Variants in TRPC7 observed in about 807,000 individuals in gnomAD.
TRPC7 encodes the protein short transient receptor potential channel 7.
In TRPC7, 42 loss-of-function variants were observed where a neutral mutation model predicts 90.1. The observed-to-expected ratio is 0.47, with a 90% CI of 0.36 to 0.60. The LOEUF (loss-of-function observed/expected upper bound fraction) is 0.60, where lower values mean the gene tolerates loss of function less well. Among genes scored for constraint, TRPC7 ranks in the 20% least tolerant of loss-of-function variants. The pLI is 0.00. For synonymous variants in TRPC7, 451 were observed against 436.3 expected (o/e 1.03, Z -0.42); for missense variants, 955 against 1,112.3 (o/e 0.86, Z 2.01).
intron 3 of TRPC7, among the ~76,000 whole-genome samples, chr5:136,279,251 T>G (rs1757468435): frequency 6.6e-6 from 1 of 152,176 alleles, no homozygotes; most frequent in Non-Finnish European, 1.5e-5. Context: ...AATTGTTGGG[T>G]TGCTCTGAGA....
chr5:136,360,682 G>C (rs1284265902), intron 1 of TRPC7, among the ~76,000 whole-genome samples: 2 of 152,132 alleles, frequency 1.3e-5, no homozygotes, highest in African/African-American at 4.8e-5. Context: ...GCAGAATTTA[G>C]CATTAAAAAT....
intron 7 of TRPC7, among the ~76,000 whole-genome samples, chr5:136,243,064 T>A (rs985453742): frequency 6.6e-6 from 1 of 152,150 alleles, no homozygotes; most frequent in African/African-American, 2.4e-5. Flanking sequence ...CAGGCCTTGG[T>A]TGAGGGTTGG....
chr5:136,276,741 C>A (rs1394060503), intron 3 of TRPC7, among the ~76,000 whole-genome samples: 1 of 152,190 alleles, frequency 6.6e-6, no homozygotes, highest in African/African-American at 2.4e-5. Context: ...CAGGGAGGAA[C>A]CCCCAGGCTG....
intron 3 of TRPC7, among the ~76,000 whole-genome samples, chr5:136,275,315 T>C (rs1196195513): frequency 1.3e-5 from 2 of 152,088 alleles, no homozygotes; most frequent in South Asian, 2.1e-4. Context: ...TTAACCTCTC[T>C]GAGCTTTAAT....
At chr5:136,265,296 A>G (rs1248355554) in intron 5 of TRPC7, among the ~76,000 whole-genome samples, 1 of 152,204 alleles carries the variant, frequency 6.6e-6, no homozygotes, top group Non-Finnish European at 1.5e-5. Flanking sequence ...AAGTCTTGAT[A>G]CTGTACTAAT....
chr5:136,346,380 T>C (rs1367638946), intron 2 of TRPC7, among the ~76,000 whole-genome samples: 1 of 152,208 alleles, frequency 6.6e-6, no homozygotes, highest in East Asian at 1.9e-4. Context: ...CCCAACACTT[T>C]AAAAGGTTTT....
intron 3 of TRPC7, among the ~76,000 whole-genome samples, chr5:136,275,698 C>G (rs1477322): frequency 0.42 from 63,467 of 152,058 alleles, 13,604 homozygotes; most frequent in African/African-American, 0.51. Context: ...GCCCTCACCC[C>G]TGGATTCAGC....
intron 3 of TRPC7, among the ~76,000 whole-genome samples, chr5:136,303,149 G>A (rs1243311160): frequency 1.3e-5 from 2 of 152,146 alleles, no homozygotes; most frequent in East Asian, 1.9e-4. Context: ...GCATAGTCAA[G>A]GTTAATGCTC....
intron 10 of TRPC7, chr5:136,222,280 A>C (rs544217955): frequency 6.6e-6 from 1 of 152,310 alleles, no homozygotes; most frequent in Non-Finnish European, 1.5e-5. Context: ...ACAGTCGAGA[A>C]ATCGAATGAA....
At chr5:136,320,015 C>A (rs1179869418) in intron 2 of TRPC7, among the ~76,000 whole-genome samples, 5 of 152,106 alleles carry the variant, frequency 3.3e-5, no homozygotes, top group Non-Finnish European at 7.4e-5. Context: ...GTGTATCTTT[C>A]ACCCACCTTT....
At chr5:136,361,561 A>G (rs936080323) in intron 1 of TRPC7, among the ~76,000 whole-genome samples, 1 of 152,224 alleles carries the variant, frequency 6.6e-6, no homozygotes, top group Non-Finnish European at 1.5e-5. Context: ...TTTTGGAGAC[A>G]GAAATTGTGG....
chr5:136,250,628 T>G (rs1485429761), intron 6 of TRPC7, among the ~76,000 whole-genome samples: 1 of 152,228 alleles, frequency 6.6e-6, no homozygotes, highest in Non-Finnish European at 1.5e-5. Flanking sequence ...AGATAATAGC[T>G]GCTACCATTA....
chr5:136,330,913 G>C (rs1351245493), intron 2 of TRPC7, among the ~76,000 whole-genome samples: 1 of 152,138 alleles, frequency 6.6e-6, no homozygotes, highest in Non-Finnish European at 1.5e-5. Flanking sequence ...TCTGAAATGA[G>C]TCCTCCAGCC....
At chr5:136,283,456 C>T (rs1409505671) in intron 3 of TRPC7, among the ~76,000 whole-genome samples, 1 of 152,192 alleles carries the variant, frequency 6.6e-6, no homozygotes, top group African/African-American at 2.4e-5. Flanking sequence ...TCCATTGTTC[C>T]ACAGATTCTC....
chr5:136,338,216 C>T (rs887234208), intron 2 of TRPC7, among the ~76,000 whole-genome samples: 3 of 152,128 alleles, frequency 2.0e-5, no homozygotes, highest in African/African-American at 4.8e-5. Flanking sequence ...ATCATAGTAA[C>T]GTAAAAGACG....
At chr5:136,270,201 GCATGCA>G (rs1387627993) in intron 4 of TRPC7, among the ~76,000 whole-genome samples, 1 of 152,210 alleles carries the variant, frequency 6.6e-6, no homozygotes, top group African/African-American at 2.4e-5. Context: ...CGGTGCATTT[GCATGCA>G]GCCATTAAGT....
intron 2 of TRPC7, 142 bp from the exon 3 acceptor site, chr5:136,315,921 A>G (rs13165205): frequency 4.8e-5 from 38 of 794,112 alleles, no homozygotes; most frequent in Non-Finnish European, 7.3e-5. Flanking sequence ...ACGCAGCAGG[A>G]TGTGCTGGGT....
rs563622982 is a variant in TRPC7, at chr5:136,336,382, ACT to A, written c.780+20224_780+20225del. On this transcript the variant is annotated intron_variant, in intron 2 of 11. Transcript: ENST00000513104. ...ACCTTTTGTGGGTAACTATTTAACC[ACT>A]CTCAGTCTATTTCTTCACCTGTAAA... 2.4e-4 allele frequency among the ~76,000 whole-genome samples: 36 copies of A among 151,568 alleles called. No individual in the cohort carries two copies. The South Asian group carries it at 6.9e-3, about 29-fold the overall frequency.
At chr5:136,219,819 G>A (rs947489639) in intron 10 of TRPC7, among the ~76,000 whole-genome samples, 18 of 152,200 alleles carry the variant, frequency 1.2e-4, no homozygotes, top group African/African-American at 4.3e-4. Context: ...CTTCTGTTAT[G>A]TGCATGCTGC....
Sources: allele counts gnomAD v4.1 joint callset (sites outside exome capture counted in the v4.1 genomes callset), GRCh38; gene constraint gnomAD v4.1.1; transcripts MANE v1.5; gene names NCBI Gene and HGNC (gene_info 2026-07-23, HGNC 2026-07-21).